Variants in PRKCH observed in about 807,000 individuals in gnomAD.
PRKCH encodes the protein protein kinase C eta, also known as protein kinase C eta type.
PRKCH carries 28 observed loss-of-function variants against 82.5 expected under a neutral mutation model. The ratio of observed to expected loss-of-function variants is 0.34; its 90% CI spans 0.25 to 0.47. PRKCH has a LOEUF of 0.47. Among genes scored for constraint, PRKCH ranks in the 20% least tolerant of loss-of-function variants. PRKCH has a pLI of 1.00. For missense variants in PRKCH, 705 were observed against 881.8 expected, an observed-to-expected ratio of 0.80 and a Z score of 2.54; for synonymous variants, 322 against 327.4, an observed-to-expected ratio of 0.98 and a Z score of 0.18.
intron 1 of PRKCH, among the ~76,000 whole-genome samples, chr14:61,387,585 A>T (rs138669874): frequency 6.6e-6 from 1 of 152,168 alleles, no homozygotes; most frequent in Non-Finnish European, 1.5e-5. Context: ...AAGGTAGTGA[A>T]TTGGTTGTCA....
chr14:61,391,333 G>T, intron 2 of PRKCH, 45 bp downstream of exon 2: 2 of 1,466,730 alleles, frequency 1.4e-6, no homozygotes, highest in Non-Finnish European at 1.9e-6. Context: ...TGTAATCTTG[G>T]TTTACACTCA....
intron 10 of PRKCH, among the ~76,000 whole-genome samples, chr14:61,515,678 C>T (rs2139982588): frequency 6.6e-6 from 1 of 152,250 alleles, no homozygotes; most frequent in Admixed American, 6.5e-5. Flanking sequence ...TGGCTCCTGG[C>T]TCTATTACCC....
chr14:61,549,565 T>TGA (rs1157074884), intron 13 of PRKCH, 120 bp from the exon 14 acceptor site: 2 of 1,069,674 alleles, frequency 1.9e-6, no homozygotes, highest in Admixed American at 4.5e-5. Context: ...CTGTAAATAA[T>TGA]GCTACTGAAC....
intron 1 of PRKCH, among the ~76,000 whole-genome samples, chr14:61,189,130 C>A (rs942348611): frequency 6.6e-6 from 1 of 152,220 alleles, no homozygotes; most frequent in African/African-American, 2.4e-5. Context: ...GGCGGTGACT[C>A]GCAGAGCTCC....
chr14:61,481,619 C>T (rs1400836550), intron 9 of PRKCH, among the ~76,000 whole-genome samples: 2 of 152,114 alleles, frequency 1.3e-5, no homozygotes, highest in African/African-American at 4.8e-5. Context: ...CTTCTAATTG[C>T]AAGAGTAATA....
chr14:61,214,510 A>G (rs145391107), intron 1 of PRKCH, among the ~76,000 whole-genome samples: 61 of 152,268 alleles, frequency 4.0e-4, no homozygotes, highest in African/African-American at 1.4e-3. Context: ...TCGGGATGCT[A>G]TGGTAAAATA....
intron 1 of PRKCH, among the ~76,000 whole-genome samples, chr14:61,366,325 G>GA (rs2046296585): frequency 1.3e-5 from 2 of 152,232 alleles, no homozygotes; most frequent in Middle Eastern, 3.4e-3. Context: ...GTAAGACTCT[G>GA]AAAAAATTTT....
chr14:61,502,198 G>A (rs1886949697), intron 10 of PRKCH, among the ~76,000 whole-genome samples: 1 of 150,876 alleles, frequency 6.6e-6, no homozygotes. Flanking sequence ...TTGAGTAGCT[G>A]GGACTATAGC....
At chr14:61,325,373 A>G (rs890982944) in intron 1 of PRKCH, among the ~76,000 whole-genome samples, 13 of 152,224 alleles carry the variant, frequency 8.5e-5, no homozygotes, top group Admixed American at 7.8e-4. Flanking sequence ...CAGTGGGGGA[A>G]ATGATAGTCT....
chr14:61,293,310 G>T (rs1051703515), intron 1 of PRKCH, among the ~76,000 whole-genome samples: 2 of 152,196 alleles, frequency 1.3e-5, no homozygotes, highest in Admixed American at 6.5e-5. Context: ...AGGGCAATAC[G>T]CTAGAGCTTA....
rs182539465 is a variant in PRKCH, at chr14:61,296,986, A to C, written c.-19+109318A>C. Among the ~76,000 whole-genome samples, 1,284 of 152,286 alleles carry C rather than the reference A, an allele frequency of 8.4e-3. 18 individuals carry two copies. The highest frequency in any genetic ancestry group is 0.017 in the Middle Eastern group (5 of 294). The stretch of plus-strand genomic sequence containing the variant: ...ATGACAATGACTAAGGCAAAGATAA[A>C]ATTTTTGTAGGCAAGGGCAGTTAAC... On this transcript the variant is annotated intron_variant, in intron 1 of 3. Transcript: ENST00000555185.
At chr14:61,266,797 G>A (rs2045105911) in intron 1 of PRKCH, among the ~76,000 whole-genome samples, 1 of 152,192 alleles carries the variant, frequency 6.6e-6, no homozygotes, top group Admixed American at 6.5e-5. Context: ...ACTGATATAA[G>A]AATCTGTGTA....
chr14:61,342,166 C>T (rs1299298882), intron 1 of PRKCH, among the ~76,000 whole-genome samples: 2 of 151,876 alleles, frequency 1.3e-5, no homozygotes, highest in African/African-American at 4.8e-5. Context: ...GTGTTCTGAA[C>T]AGGAGTGCCA....
chr14:61,472,938 C>G (rs772052827), intron 9 of PRKCH, among the ~76,000 whole-genome samples: 5 of 152,158 alleles, frequency 3.3e-5, no homozygotes, highest in Non-Finnish European at 7.3e-5. Flanking sequence ...AAATGTGGAC[C>G]TGCCTTTTAA....
chr14:61,311,683 T>G (rs1246337908), intron 1 of PRKCH, among the ~76,000 whole-genome samples: 4 of 152,206 alleles, frequency 2.6e-5, no homozygotes, highest in Admixed American at 2.6e-4. Flanking sequence ...CTGGGTAATT[T>G]ATAAAGAAAA....
chr14:61,345,655 A>G (rs2045982721), intron 1 of PRKCH, among the ~76,000 whole-genome samples: 1 of 152,248 alleles, frequency 6.6e-6, no homozygotes, highest in African/African-American at 2.4e-5. Context: ...CATGTGCATT[A>G]ACTAATTTAA....
Position 61,505,080 on chromosome 14 carries a change from TA to T in PRKCH, c.1433+19425del, listed in dbSNP as rs752827664. On this transcript the variant is annotated intron_variant, in intron 10 of 13. Coordinates refer to ENST00000332981, the MANE Select transcript of PRKCH (RefSeq NM_006255.5). ...ATAAGTGAGCTTTTATTTGTGGTTT[TA>T]TTTCATAGAGCTGAAGGAAGTGAAG... 1.1e-4 allele frequency among the ~76,000 whole-genome samples: 17 copies of T among 152,328 alleles called. 1 individual carries two copies. The highest frequency in any genetic ancestry group is 7.8e-4 in the Admixed American group (12 of 15,304).
At chr14:61,468,675 C>A (rs753828013) in intron 9 of PRKCH, among the ~76,000 whole-genome samples, 7 of 145,622 alleles carry the variant, frequency 4.8e-5, no homozygotes, top group Non-Finnish European at 1.0e-4. Context: ...AAATAGTTGG[C>A]CTGTTTTTTT....
intron 1 of PRKCH, among the ~76,000 whole-genome samples, chr14:61,270,036 A>G (rs1054065708): frequency 3.3e-5 from 5 of 152,222 alleles, no homozygotes; most frequent in Non-Finnish European, 7.3e-5. Flanking sequence ...CACTGAGCCC[A>G]CTGCTTGGCT....
Sources: gnomAD v4.1 joint callset for allele counts (sites outside exome capture counted in the v4.1 genomes callset) on GRCh38, gnomAD v4.1.1 for gene constraint, MANE v1.5 for transcripts, NCBI Gene and HGNC (gene_info 2026-07-23, HGNC 2026-07-21) for gene names.